PLXDC2: variants seen among roughly 807,000 people sequenced by gnomAD.
PLXDC2 encodes the protein plexin domain-containing protein 2.
Under a neutral mutation model 68.9 loss-of-function variants are expected in PLXDC2, and 40 were observed. The observed-to-expected ratio is 0.58, with a 90% confidence interval of 0.45 to 0.76. The LOEUF (loss-of-function observed/expected upper bound fraction) is 0.76, where lower values mean the gene tolerates loss of function less well. PLXDC2 is among the 30% of genes least tolerant of loss of function. PLXDC2 has a pLI of 0.00. For missense variants in PLXDC2, 644 were observed against 661.9 expected, an observed-to-expected ratio of 0.97 and a Z score of 0.30; for synonymous variants, 243 against 234.2, an observed-to-expected ratio of 1.04 and a Z score of -0.34.
At chr10:20,120,709 G>A (rs1055531181) in intron 4 of PLXDC2, among the ~76,000 whole-genome samples, 5 of 152,236 alleles carry the variant, frequency 3.3e-5, no homozygotes, top group South Asian at 4.1e-4. Flanking sequence ...GCAAATCCTC[G>A]AGCTTCATGT....
intron 1 of PLXDC2, among the ~76,000 whole-genome samples, chr10:19,818,832 A>G (rs191321502): frequency 9.2e-5 from 14 of 152,320 alleles, no homozygotes; most frequent in African/African-American, 3.1e-4. Context: ...GATGCTTAAT[A>G]AAAACAATTA....
chr10:19,864,282 G>A (rs537286835), intron 1 of PLXDC2, among the ~76,000 whole-genome samples: 6 of 152,152 alleles, frequency 3.9e-5, no homozygotes, highest in Non-Finnish European at 7.4e-5. Context: ...CTGGGATTAT[G>A]AATGAATCAC....
chr10:20,266,089 A>G (rs1315644290), intron 13 of PLXDC2, among the ~76,000 whole-genome samples: 1 of 152,236 alleles, frequency 6.6e-6, no homozygotes, highest in Non-Finnish European at 1.5e-5. Context: ...GATTATTCAC[A>G]TAGAAAATAG....
At chr10:19,970,949 G>T (rs1175688989) in intron 1 of PLXDC2, among the ~76,000 whole-genome samples, 1 of 152,192 alleles carries the variant, frequency 6.6e-6, no homozygotes, top group Non-Finnish European at 1.5e-5. Context: ...TCTCACAGAA[G>T]GATTTGCTGA....
intron 1 of PLXDC2, among the ~76,000 whole-genome samples, chr10:19,919,321 G>A (rs1340638809): frequency 6.6e-6 from 1 of 152,100 alleles, no homozygotes; most frequent in African/African-American, 2.4e-5. Flanking sequence ...ATTTTGGTTT[G>A]CACAAAAACC....
At chr10:19,975,900 A>G (rs1237268855) in intron 1 of PLXDC2, among the ~76,000 whole-genome samples, 1 of 152,078 alleles carries the variant, frequency 6.6e-6, no homozygotes, top group Non-Finnish European at 1.5e-5. Flanking sequence ...GCTACTTGGG[A>G]GGCTGAGGCA....
At chr10:19,835,682 C>T (rs1488112146) in intron 1 of PLXDC2, among the ~76,000 whole-genome samples, 2 of 152,060 alleles carry the variant, frequency 1.3e-5, no homozygotes, top group Admixed American at 1.3e-4. Flanking sequence ...GGAATGGGCC[C>T]CCAGGCGGGA....
intron 11 of PLXDC2, 48 bp downstream of exon 11, chr10:20,217,624 T>TTA: frequency 4.1e-6 from 5 of 1,207,450 alleles, no homozygotes; most frequent in South Asian, 1.5e-5. Flanking sequence ...TTTTTTTTTT[T>TTA]CCCTGAAGGA....
chr10:20,136,244 C>A (rs1833931871), intron 4 of PLXDC2, among the ~76,000 whole-genome samples: 2 of 152,174 alleles, frequency 1.3e-5, no homozygotes, highest in Admixed American at 1.3e-4. Flanking sequence ...TAAAACCTGT[C>A]ATTGTGCTGT....
intron 7 of PLXDC2, among the ~76,000 whole-genome samples, chr10:20,174,230 A>G (rs1834487541): frequency 6.6e-6 from 1 of 152,136 alleles, no homozygotes; most frequent in South Asian, 2.1e-4. Context: ...AGCAAAATAC[A>G]TGGGAAAGCA....
At chr10:20,230,077 C>T (rs1273937352) in intron 12 of PLXDC2, among the ~76,000 whole-genome samples, 10 of 152,094 alleles carry the variant, frequency 6.6e-5, no homozygotes, top group Admixed American at 6.5e-4. Flanking sequence ...AGCTAAATGG[C>T]AGACCAAATA....
chr10:20,007,248 G>C (rs1835041530), intron 2 of PLXDC2, among the ~76,000 whole-genome samples: 1 of 152,174 alleles, frequency 6.6e-6, no homozygotes, highest in African/African-American at 2.4e-5. Context: ...AGCAATGATA[G>C]CACCTCATAG....
intron 9 of PLXDC2, among the ~76,000 whole-genome samples, chr10:20,207,171 C>A (rs961391164): frequency 2.0e-5 from 3 of 152,102 alleles, no homozygotes; most frequent in Non-Finnish European, 4.4e-5. Flanking sequence ...TCAGTCCTTT[C>A]CATTCTAGCC....
At chr10:20,135,584 GT>G (rs1184305771) in intron 4 of PLXDC2, among the ~76,000 whole-genome samples, 2 of 152,142 alleles carry the variant, frequency 1.3e-5, no homozygotes, top group Admixed American at 1.3e-4. Flanking sequence ...GCTTTTGTTT[GT>G]TTGTTTGTTT....
At chr10:20,233,769 T>C (rs1835395325) in intron 12 of PLXDC2, among the ~76,000 whole-genome samples, 1 of 152,048 alleles carries the variant, frequency 6.6e-6, no homozygotes. Flanking sequence ...AGCCATCCAG[T>C]GTCTCAAAAA....
chr10:19,957,129 G>A (rs1201539417), intron 1 of PLXDC2, among the ~76,000 whole-genome samples: 1 of 152,012 alleles, frequency 6.6e-6, no homozygotes, highest in Non-Finnish European at 1.5e-5. Flanking sequence ...TGAAAACTGG[G>A]GCTTTTAGAG....
At chr10:19,846,477 T>A (rs575345158) in intron 1 of PLXDC2, among the ~76,000 whole-genome samples, 3 of 152,276 alleles carry the variant, frequency 2.0e-5, no homozygotes, top group Admixed American at 6.5e-5. Context: ...ATTGATGTGA[T>A]ACCTTCCATT....
At chr10:19,929,503 G>T (rs1360559168) in intron 1 of PLXDC2, among the ~76,000 whole-genome samples, 1 of 152,154 alleles carries the variant, frequency 6.6e-6, no homozygotes. Flanking sequence ...ACAACTGACT[G>T]ACAAATAAAT....
intron 1 of PLXDC2, among the ~76,000 whole-genome samples, chr10:19,969,296 C>T (rs1328918243): frequency 2.0e-5 from 3 of 152,166 alleles, no homozygotes; most frequent in East Asian, 1.9e-4. Flanking sequence ...CATATGTACT[C>T]GGTTTCTGTT....
Sources: allele counts gnomAD v4.1 joint callset (sites outside exome capture counted in the v4.1 genomes callset), GRCh38; gene constraint gnomAD v4.1.1; transcripts MANE v1.5; gene names NCBI Gene and HGNC (gene_info 2026-07-23, HGNC 2026-07-21).